Variants in IFNAR1 observed in about 807,000 individuals in gnomAD.
The protein encoded by IFNAR1 is interferon alpha and beta receptor subunit 1, also known as interferon alpha/beta receptor 1.
Under a neutral mutation model 62.1 loss-of-function variants are expected in IFNAR1, and 47 were observed. The observed-to-expected ratio is 0.76, with a 90% CI of 0.60 to 0.97. The LOEUF is 0.97. Ranked by LOEUF, IFNAR1 falls within the 50% of genes least tolerant of loss-of-function variation. The pLI is 0.00. For synonymous variants in IFNAR1, 219 were observed against 226.9 expected (o/e 0.97, Z 0.31); for missense variants, 638 against 654.5 (o/e 0.97, Z 0.27).
chr21:33,352,891 G>A lies in IFNAR1; in HGVS notation c.1277G>A (p.Cys426Tyr), dbSNP rs1189356442. ...NKSSVFSDAVCEKTKPGNTSK... is the reference protein window; with the variant it reads ...NKSSVFSDAVYEKTKPGNTSK... ...AGCAGTGTTTTTAGTGACGCTGTAT[G>A]TGAGAAAACAAAACCAGGTCAGAAT... Residue 426 changes from cysteine to tyrosine, a missense_variant, in exon 9 of 11, where the codon TGT becomes TAT. Transcript: ENST00000270139. The A allele has an allele frequency of 3.8e-6, 6 of 1,581,770 alleles. No individual in the cohort carries two copies. Among genetic ancestry groups the A allele is most frequent in the African/African-American group, 1.4e-5 (1 of 74,068 alleles).
intron 1 of IFNAR1, among the ~76,000 whole-genome samples, chr21:33,329,353 T>A (rs1249441149): frequency 6.6e-6 from 1 of 152,156 alleles, no homozygotes; most frequent in Non-Finnish European, 1.5e-5. Context: ...AAGTTAAGAA[T>A]TCTAGAGTGG....
chr21:33,351,323 T>C (rs537776820), intron 8 of IFNAR1, among the ~76,000 whole-genome samples: 1 of 152,256 alleles, frequency 6.6e-6, no homozygotes, highest in Non-Finnish European at 1.5e-5. Flanking sequence ...AGGGTTTGGC[T>C]TGGCTCTTGC....
At chr21:33,335,982 TTACG>T (rs1258114606) in intron 2 of IFNAR1, among the ~76,000 whole-genome samples, 3 of 149,506 alleles carry the variant, frequency 2.0e-5, no homozygotes, top group African/African-American at 7.4e-5. Context: ...TGCAGGTTAG[TTACG>T]TATGTATACA....
Position 33,357,629 on chromosome 21 carries a change from A to C in IFNAR1, c.*2080A>C, listed in dbSNP as rs781055678. 1.3e-5 allele frequency: 2 copies of C among 151,778 alleles called. No individual in the cohort carries two copies. Among genetic ancestry groups the C allele is most frequent in the African/African-American group, 4.9e-5 (2 of 41,148 alleles). 9.4% of individuals were successfully genotyped at this position (151,778 alleles called of 1,614,324 possible). On this transcript the variant is annotated 3_prime_UTR_variant, in exon 11 of 11. Coordinates refer to ENST00000270139, the MANE Select transcript of IFNAR1 (RefSeq NM_000629.3). ...CAACCTCGCCTCCCGGGTTCAAGCA[A>C]TTCTCTGCCGCAGCCTCCAGAGTAG... is the stretch of plus-strand genomic sequence containing the variant.
rs577930753 is a variant in IFNAR1 at position 33,355,645 on chromosome 21, G to A, written c.*96G>A. The A allele has an allele frequency of 2.5e-5, 15 of 604,356 alleles. No homozygotes were observed. The highest frequency in any genetic ancestry group is 2.7e-4 in the Middle Eastern group (1 of 3,754). The allele number at this position is 604,356 out of a possible 1,614,324, so 37.4% of individuals were successfully genotyped here. A position where few individuals can be genotyped will look rare whatever the true frequency, so the allele number is the denominator to read the frequency against. ...TCCTCTCAGTAACTACAGAGAGGAC[G>A]TTTCCCTGTTTAGGGAAAGAAAAAA... On this transcript the variant is annotated 3_prime_UTR_variant, in exon 11 of 11. Coordinates refer to ENST00000270139, the MANE Select transcript of IFNAR1 (RefSeq NM_000629.3).
At chr21:33,351,995 G>T in intron 8 of IFNAR1, among the ~76,000 whole-genome samples, 1 of 151,920 alleles carries the variant, frequency 6.6e-6, no homozygotes, top group East Asian at 1.9e-4. Context: ...CGGCTTGTTA[G>T]ACATTATTCT....
intron 1 of IFNAR1, among the ~76,000 whole-genome samples, chr21:33,332,975 G>C (rs970165190): frequency 1.3e-5 from 2 of 152,214 alleles, no homozygotes; most frequent in Non-Finnish European, 2.9e-5. Context: ...AGTCTGGAGA[G>C]AGATACAGAC....
chr21:33,351,320 G>A (rs1035175402), intron 8 of IFNAR1, among the ~76,000 whole-genome samples: 3 of 152,102 alleles, frequency 2.0e-5, no homozygotes, highest in Admixed American at 6.5e-5. Flanking sequence ...TGCAGGGTTT[G>A]GCTTGGCTCT....
chr21:33,349,235 T>G lies in IFNAR1; in HGVS notation c.933T>G (p.Asp311Glu). The G allele has an allele frequency of 2.5e-6, 4 of 1,613,492 alleles. No homozygotes were observed. The highest frequency in any genetic ancestry group is 3.4e-6 in the Non-Finnish European group (4 of 1,179,598). ...ACCTTCTCCGCGTACAAGCATCTGA[T>G]GGAAATAACACATCTTTTTGGTCTG... The part of the protein sequence containing the change: ...GIYLLRVQAS[D>E]GNNTSFWSEE... The change falls in exon 7 of 11, where the codon GAT becomes GAG. Residue 311 changes from aspartate to glutamate, a missense_variant. By Grantham distance (45) the Asp-to-Glu change is conservative. Coordinates refer to ENST00000270139, the MANE Select transcript of IFNAR1 (RefSeq NM_000629.3).
chr21:33,340,880 ACT>A, intron 2 of IFNAR1, 117 bp from the exon 3 acceptor site: 1 of 644,394 alleles, frequency 1.6e-6, no homozygotes, highest in Admixed American at 2.9e-5. Context: ...AATAGAAATA[ACT>A]CTTAAACAAG....
At chr21:33,337,497 G>A (rs915867231) in intron 2 of IFNAR1, among the ~76,000 whole-genome samples, 6 of 152,072 alleles carry the variant, frequency 3.9e-5, no homozygotes, top group Non-Finnish European at 8.8e-5. Flanking sequence ...TAGGCCCTCC[G>A]GAACCAGGAG....
In IFNAR1 at chr21:33,357,041, A is replaced by G. The variant is rs1555875987; in HGVS notation, c.*1492A>G. 1 of 152,244 alleles carries G rather than the reference A, an allele frequency of 6.6e-6. No homozygotes were observed. Among genetic ancestry groups the G allele is most frequent in the Non-Finnish European group, 1.5e-5 (1 of 68,054 alleles). The allele number at this position is 152,244 out of a possible 1,614,324, so 9.4% of individuals were successfully genotyped here. ...AGAAAAACCCAATTTAAGAAATTAC[A>G]TAATGCTTTCCAAAGGCACCTACAA... is the stretch of plus-strand genomic sequence containing the variant. On this transcript the variant is annotated 3_prime_UTR_variant, in exon 11 of 11. Coordinates refer to ENST00000270139, the MANE Select transcript of IFNAR1 (RefSeq NM_000629.3).
At chr21:33,334,317 A>C in intron 1 of IFNAR1, among the ~76,000 whole-genome samples, 1 of 152,212 alleles carries the variant, frequency 6.6e-6, no homozygotes, top group East Asian at 1.9e-4. Flanking sequence ...ACCAAGAAAC[A>C]GTCAAACTTT....
At chr21:33,335,471 A>T in intron 1 of IFNAR1, 53 bp from the exon 2 acceptor site, 1 of 1,037,112 alleles carries the variant, frequency 9.6e-7, no homozygotes, top group Non-Finnish European at 1.4e-6. Context: ...AATAACATTT[A>T]GAATATCTGT....
chr21:33,327,491 T>C (rs555889457), intron 1 of IFNAR1, among the ~76,000 whole-genome samples: 6 of 152,310 alleles, frequency 3.9e-5, no homozygotes, highest in Non-Finnish European at 5.9e-5. Flanking sequence ...TGAGGCTGTA[T>C]AGGCCAGTCC....
chr21:33,336,695 A>G (rs372664485), intron 2 of IFNAR1, among the ~76,000 whole-genome samples: 1 of 151,424 alleles, frequency 6.6e-6, no homozygotes, highest in Admixed American at 6.6e-5. Flanking sequence ...GTTTCCTGTG[A>G]TCAGGCTTTC....
intron 1 of IFNAR1, among the ~76,000 whole-genome samples, chr21:33,329,097 C>G (rs753892930): frequency 2.6e-5 from 4 of 152,150 alleles, no homozygotes; most frequent in Admixed American, 6.5e-5. Flanking sequence ...GCCAACATGC[C>G]TGTAACTTCA....
At chr21:33,340,068 G>A (rs867366918) in intron 2 of IFNAR1, among the ~76,000 whole-genome samples, 1 of 151,100 alleles carries the variant, frequency 6.6e-6, no homozygotes, top group Non-Finnish European at 1.5e-5. Context: ...TTTCATGTTT[G>A]CCCCTTTTTT....
chr21:33,341,129 A>C lies in IFNAR1; in HGVS notation c.331A>C (p.Thr111Pro), dbSNP rs1188530434. ...GCGTATAAGAGCAGAAAAAGAAAAC[A>C]CTTCTTCATGGTATGAGGTTGACTC... ...KLRIRAEKEN[T>P]SSWYEVDSFT... The change falls in exon 3 of 11, where the codon ACT (threonine) becomes CCT (proline). Residue 111 changes from threonine to proline, a missense_variant. Thr to Pro is a conservative substitution (Grantham distance 38). Transcript: ENST00000270139. The C allele has an allele frequency of 1.9e-6, 3 of 1,613,376 alleles. No individual in the cohort carries two copies. Among genetic ancestry groups the C allele is most frequent in the Non-Finnish European group, 2.5e-6 (3 of 1,179,606 alleles).
Sources: allele counts gnomAD v4.1 joint callset (sites outside exome capture counted in the v4.1 genomes callset), GRCh38; gene constraint gnomAD v4.1.1; transcripts MANE v1.5; gene names NCBI Gene and HGNC (gene_info 2026-07-23, HGNC 2026-07-21).